Variants in OXNAD1 observed in about 807,000 individuals in gnomAD.
OXNAD1 encodes the protein oxidoreductase NAD binding domain containing 1.
A neutral mutation model predicts 32.9 loss-of-function variants in OXNAD1; 34 were observed. The observed-to-expected ratio is 1.03, with a 90% CI of 0.79 to 1.38. The LOEUF (loss-of-function observed/expected upper bound fraction) is 1.38, where lower values mean the gene tolerates loss of function less well. Among genes scored for constraint, OXNAD1 ranks in the 40% most tolerant of loss-of-function variants. The pLI is 0.00. For missense variants in OXNAD1, 407 were observed against 379.4 expected (o/e 1.07, Z -0.60); for synonymous variants, 134 against 135.2 (o/e 0.99, Z 0.06).
At position 16,345,788 on chromosome 3, in the gene OXNAD1, CTGTGTGTGTGTGTG is replaced by C. The variant is rs370820242; in HGVS notation, c.*31-3371_*31-3358del. Among the ~76,000 whole-genome samples, 3 of 127,174 alleles carry C rather than the reference CTGTGTGTGTGTGTG, an allele frequency of 2.4e-5. No individual in the cohort carries two copies. Among genetic ancestry groups the C allele is most frequent in the Non-Finnish European group, 5.1e-5 (3 of 58,644 alleles). The allele number at this position is 127,174 out of a possible 152,430, so 83.4% of individuals were successfully genotyped here. A position where few individuals can be genotyped will look rare whatever the true frequency, so the allele number is the denominator to read the frequency against. ...TGAGCCAAAACCTTATAATAAATCT[CTGTGTGTGTGTGTG>C]TGTGTGTGTGTGTGTGCGCGCGCGC... On this transcript the variant is annotated intron_variant, in intron 9 of 9. Transcript: ENST00000606098. The surrounding 1 kb of genome is among the most constrained non-coding windows in gnomAD (Gnocchi z 5.2).
At position 16,327,603 on chromosome 3, in the gene OXNAD1, C is replaced by CA. The variant is rs2069842165; in HGVS notation, c.*31-9501dup. Among the ~76,000 whole-genome samples the CA allele has an allele frequency of 6.6e-6, 1 of 151,474 alleles. No individual in the cohort carries two copies. Among genetic ancestry groups the CA allele is most frequent in the Non-Finnish European group, 1.5e-5 (1 of 67,830 alleles). The stretch of plus-strand genomic sequence containing the variant: ...TGAAACCCCGTCTCTACTAAAAATA[C>CA]AAAAAAAATTAGCCAGGCCTGGTGG... On this transcript the variant is annotated intron_variant, in intron 9 of 9. Transcript: ENST00000435829. The surrounding 1 kb of genome is among the most constrained non-coding windows in gnomAD (Gnocchi z 4.2).
In OXNAD1 at chr3:16,290,225, C is replaced by G. The variant is rs867677392; in HGVS notation, c.290+3777C>G. 3.9e-5 allele frequency among the ~76,000 whole-genome samples: 6 copies of G among 152,218 alleles called. No individual in the cohort carries two copies. The highest frequency in any genetic ancestry group is 1.3e-4 in the Admixed American group (2 of 15,282). On this transcript the variant is annotated intron_variant, in intron 5 of 8. Transcript: ENST00000285083. This position sits in a 1 kb window ranked among gnomAD's most constrained non-coding sequence, Gnocchi z 4.2. ...TGGGTATATAGTAAGGGCTTTAACT[C>G]ATGGCTCCAAGAGTGCTCATCCTGC... is the stretch of plus-strand genomic sequence containing the variant.
intron 9 of OXNAD1, among the ~76,000 whole-genome samples, chr3:16,324,427 G>T (rs917271971): frequency 3.3e-5 from 5 of 151,962 alleles, no homozygotes; most frequent in African/African-American, 1.2e-4. Flanking sequence ...AACATCTCTC[G>T]TTTGCCCATC....
At chr3:16,338,569 TAAC>T (rs992744142), downstream of OXNAD1, among the ~76,000 whole-genome samples, 18 of 152,216 alleles carry the variant, frequency 1.2e-4, no homozygotes, top group African/African-American at 4.3e-4. This position sits in a 1 kb window ranked among gnomAD's most constrained non-coding sequence, Gnocchi z 5.3. Flanking sequence ...CTTTGTTTGA[TAAC>T]AATTAAAAAA....
At chr3:16,318,964 A>G (rs2068736172) in intron 9 of OXNAD1, among the ~76,000 whole-genome samples, 1 of 152,170 alleles carries the variant, frequency 6.6e-6, no homozygotes, top group Non-Finnish European at 1.5e-5. Context: ...AGGCATCTCG[A>G]GGCTCCAAAC....
chr3:16,336,403 G>C lies in OXNAD1; in HGVS notation c.*31-709G>C, dbSNP rs1575034966. Among the ~76,000 whole-genome samples, 1 of 152,264 alleles carries C rather than the reference G, an allele frequency of 6.6e-6. No homozygotes were observed. The highest frequency in any genetic ancestry group is 1.5e-5 in the Non-Finnish European group (1 of 68,008). On this transcript the variant is annotated intron_variant, in intron 9 of 9. Coordinates refer to the OXNAD1 transcript ENST00000435829. The surrounding 1 kb of genome is among the most constrained non-coding windows in gnomAD (Gnocchi z 6.0). The stretch of plus-strand genomic sequence containing the variant: ...TGGAGGGAGGGAGAAGGGAAGGGGC[G>C]ACCTGCTGCTCTGTGGAGAAACAGC...
At chr3:16,307,489 G>A (rs1479576256), downstream of OXNAD1, among the ~76,000 whole-genome samples, 1 of 152,202 alleles carries the variant, frequency 6.6e-6, no homozygotes, top group African/African-American at 2.4e-5. Context: ...TCTGATGAGT[G>A]ATCATTGAGT....
chr3:16,329,360 AGG>A lies in OXNAD1; in HGVS notation c.*31-7751_*31-7750del, dbSNP rs2070064264. On this transcript the variant is annotated intron_variant, in intron 9 of 9. Coordinates refer to the OXNAD1 transcript ENST00000435829. The surrounding 1 kb of genome is among the most constrained non-coding windows in gnomAD (Gnocchi z 4.5). ...GAAGTGGAGAAAGGGAAAGGGAAAG[AGG>A]AAACTTAATAAAGGAAGGCGGAAGG... is the stretch of plus-strand genomic sequence containing the variant. Among the ~76,000 whole-genome samples, 1 of 151,832 alleles carries A rather than the reference AGG, an allele frequency of 6.6e-6. No individual in the cohort carries two copies. The highest frequency in any genetic ancestry group is 2.4e-5 in the African/African-American group (1 of 41,302).
downstream of OXNAD1, among the ~76,000 whole-genome samples, chr3:16,310,090 G>C (rs2067862465): frequency 6.6e-6 from 1 of 152,242 alleles, no homozygotes; most frequent in Non-Finnish European, 1.5e-5. Context: ...CAGGGCTCAA[G>C]AGAAATAGTG....
rs1302576379 is a variant in OXNAD1 at position 16,334,181 on chromosome 3, C to CA, written c.*31-2925dup. Among the ~76,000 whole-genome samples, 1 of 152,020 alleles carries CA rather than the reference C, an allele frequency of 6.6e-6. No individual in the cohort carries two copies. The highest frequency in any genetic ancestry group is 1.5e-5 in the Non-Finnish European group (1 of 67,976). ...CTCTGTCTCAAAACAAAAACAAAAACAAAAAACAACAACAAAAAATACCCT... is the reference window on the plus strand; with the variant it reads ...CTCTGTCTCAAAACAAAAACAAAAACAAAAAAACAACAACAAAAAATACCCT... On this transcript the variant is annotated intron_variant, in intron 9 of 9. Coordinates refer to the OXNAD1 transcript ENST00000435829. The surrounding 1 kb of genome is among the most constrained non-coding windows in gnomAD (Gnocchi z 4.3).
At chr3:16,294,226 A>T (rs2672556) in intron 5 of OXNAD1, among the ~76,000 whole-genome samples, 3 of 150,514 alleles carry the variant, frequency 2.0e-5, no homozygotes, top group Admixed American at 6.6e-5. Flanking sequence ...TCTTGACATG[A>T]AGTTTCGCTC....
chr3:16,271,640 A>T lies in OXNAD1; in HGVS notation c.120-19A>T. On this transcript the variant is annotated intron_variant, in intron 3 of 8. Transcript: ENST00000285083. This position sits in a 1 kb window ranked among gnomAD's most constrained non-coding sequence, Gnocchi z 4.6. ...TATGAGGATAATATGTAATAACCTA[A>T]TTTTACTTTCTATTAAAGCATAATG... The T allele has an allele frequency of 6.4e-7, 1 of 1,564,382 alleles. No homozygotes were observed. Among genetic ancestry groups the T allele is most frequent in the Non-Finnish European group, 8.7e-7 (1 of 1,154,542 alleles).
intron 6 of OXNAD1, among the ~76,000 whole-genome samples, chr3:16,296,012 A>G (rs1172719457): frequency 6.6e-6 from 1 of 152,196 alleles, no homozygotes; most frequent in African/African-American, 2.4e-5. Context: ...CAACAAAAAT[A>G]CATGAGGGAG....
At chr3:16,343,338 A>G (rs373058875) in intron 9 of OXNAD1, among the ~76,000 whole-genome samples, 33 of 152,308 alleles carry the variant, frequency 2.2e-4, no homozygotes, top group East Asian at 9.6e-4. Context: ...ACACTCTCCA[A>G]TTAGACCTAG....
chr3:16,269,215 A>G lies in OXNAD1; in HGVS notation c.-69A>G. The G allele has an allele frequency of 6.5e-7, 1 of 1,534,566 alleles. No homozygotes were observed. Among genetic ancestry groups the G allele is most frequent in the Non-Finnish European group, 8.7e-7 (1 of 1,146,534 alleles). ...GTCTCAGTGTAATAGCAGGACCAAA[A>G]TATTCTGTCAATCAGCTGACCATAT... On this transcript the variant is annotated 5_prime_UTR_variant, in exon 2 of 9. Coordinates refer to ENST00000285083, the MANE Select transcript of OXNAD1 (RefSeq NM_138381.5).
At chr3:16,340,779 T>A (rs976252572), downstream of OXNAD1, among the ~76,000 whole-genome samples, 1 of 152,162 alleles carries the variant, frequency 6.6e-6, no homozygotes. Context: ...ACATCAAGAA[T>A]TTTCAAGGTG....
chr3:16,311,011 A>AAAAAAG (rs1472119686), downstream of OXNAD1, among the ~76,000 whole-genome samples: 11 of 136,174 alleles, frequency 8.1e-5, no homozygotes, highest in African/African-American at 1.9e-4. Context: ...AAAAAAAAAA[A>AAAAAAG]AAATCATCTG....
chr3:16,351,024 A>G (rs1254250859), downstream of OXNAD1, among the ~76,000 whole-genome samples: 1 of 152,230 alleles, frequency 6.6e-6, no homozygotes. The surrounding 1 kb of genome is among the most constrained non-coding windows in gnomAD (Gnocchi z 5.4). Context: ...AGAAACCTGC[A>G]GAACTTCATG....
intron 4 of OXNAD1, among the ~76,000 whole-genome samples, chr3:16,273,735 G>C (rs2065127780): frequency 6.6e-6 from 1 of 152,054 alleles, no homozygotes; most frequent in Non-Finnish European, 1.5e-5. Context: ...CGGACTAATA[G>C]GAACTTGCAC....
Sources: allele counts gnomAD v4.1 joint callset (sites outside exome capture counted in the v4.1 genomes callset), GRCh38; gene constraint gnomAD v4.1.1; non-coding constraint Gnocchi (gnomAD v3.1); transcripts MANE v1.5; gene names NCBI Gene and HGNC (gene_info 2026-07-23, HGNC 2026-07-21).